EIF4G3: variants seen among roughly 807,000 people sequenced by gnomAD.
EIF4G3 encodes eIF-4-gamma 3.
Under a neutral mutation model 186.4 loss-of-function variants are expected in EIF4G3, and 34 were observed. The observed-to-expected ratio is 0.18, with a 90% CI of 0.14 to 0.24. The LOEUF (loss-of-function observed/expected upper bound fraction) is 0.24. EIF4G3 is among the 10% of genes least tolerant of loss of function. The pLI, the probability that EIF4G3 is intolerant of heterozygous loss-of-function variation, is 1.00. For synonymous variants in EIF4G3, 673 were observed against 679.5 expected (o/e 0.99, Z 0.15); for missense variants, 1,536 against 1,948.5 (o/e 0.79, Z 3.99).
intron 14 of EIF4G3, among the ~76,000 whole-genome samples, chr1:20,937,450 G>A (rs2095553251): frequency 1.3e-5 from 2 of 152,070 alleles, no homozygotes; most frequent in African/African-American, 4.8e-5. Flanking sequence ...ATCTGCTTTA[G>A]AATAACTTGC....
At chr1:20,964,141 G>A (rs938986455) in intron 12 of EIF4G3, among the ~76,000 whole-genome samples, 13 of 152,074 alleles carry the variant, frequency 8.5e-5, no homozygotes, top group South Asian at 2.1e-4. Flanking sequence ...GATACTGAGC[G>A]AGTAACAAAA....
In EIF4G3 at chr1:21,176,887, G is replaced by T; in HGVS notation, c.-621C>A. On this transcript the variant is annotated 5_prime_UTR_variant, in exon 1 of 37. Coordinates refer to ENST00000602326, the MANE Select transcript of EIF4G3 (RefSeq NM_001391906.1). The stretch of plus-strand genomic sequence containing the variant: ...CGCTGTGGCCGCCTCCAGCAGTCCG[G>T]CAGGACGGCTGCTCGGAAAACTTCG... 1.4e-6 allele frequency: 1 copy of T among 692,234 alleles called. No homozygotes were observed. The highest frequency in any genetic ancestry group is 2.6e-6 in the Non-Finnish European group (1 of 379,304). The allele number at this position is 692,234 out of a possible 1,614,324, so 42.9% of individuals were successfully genotyped here.
chr1:21,058,065 C>G (rs894097724), intron 3 of EIF4G3, among the ~76,000 whole-genome samples: 3 of 152,130 alleles, frequency 2.0e-5, no homozygotes, highest in African/African-American at 7.2e-5. Flanking sequence ...TGATTATATT[C>G]TGGCCAATTA....
At chr1:21,047,245 G>A (rs1191530168) in intron 4 of EIF4G3, among the ~76,000 whole-genome samples, 1 of 152,074 alleles carries the variant, frequency 6.6e-6, no homozygotes, top group Non-Finnish European at 1.5e-5. Flanking sequence ...CTAAGAAAAT[G>A]TCTTTCCAAA....
At chr1:20,883,862 T>G (rs2083228130) in intron 19 of EIF4G3, among the ~76,000 whole-genome samples, 3 of 152,014 alleles carry the variant, frequency 2.0e-5, no homozygotes, top group African/African-American at 7.2e-5. Context: ...GTTAAAAAGC[T>G]CGAATGGAAA....
intron 3 of EIF4G3, among the ~76,000 whole-genome samples, chr1:21,053,418 G>A (rs1368645491): frequency 1.3e-5 from 2 of 151,524 alleles, no homozygotes; most frequent in Non-Finnish European, 3.0e-5. Context: ...AAGGGAGGTG[G>A]GGGGGTTAGC....
chr1:20,979,452 C>A (rs575347532), intron 10 of EIF4G3, among the ~76,000 whole-genome samples: 85 of 152,130 alleles, frequency 5.6e-4, no homozygotes, highest in African/African-American at 1.9e-3. Context: ...GTGAACAAAA[C>A]AAAAATCTCT....
At chr1:21,139,181 T>C (rs1252278902) in intron 2 of EIF4G3, among the ~76,000 whole-genome samples, 2 of 152,228 alleles carry the variant, frequency 1.3e-5, no homozygotes, top group African/African-American at 4.8e-5. Context: ...GGAAAAAACA[T>C]CTTCCTCTAC....
intron 14 of EIF4G3, among the ~76,000 whole-genome samples, chr1:20,933,663 G>A (rs939915631): frequency 6.6e-6 from 1 of 151,666 alleles, no homozygotes; most frequent in East Asian, 1.9e-4. Context: ...CTTGTGGGGG[G>A]AAAAACAAAA....
Position 20,825,124 on chromosome 1 carries a change from A to G in EIF4G3, c.4344T>C (p.Asp1448=), listed in dbSNP as rs745446732. 5 of 1,612,796 alleles carry G rather than the reference A, an allele frequency of 3.1e-6. No individual in the cohort carries two copies. In the East Asian group the frequency reaches 8.9e-5, roughly 29 times the overall value. Residue 1448 remains aspartate, a synonymous_variant, in exon 33 of 37, where the codon GAT becomes GAC. Transcript: ENST00000602326. ...CCTGCTCCAAAAGAAAATTATGTAC[A>G]TCTTCTCCTTCTGGTAAAAAGTCCT... is the stretch of plus-strand genomic sequence containing the variant. ...SWKDFLPEGE[D]VHNFLLEQKL...
chr1:21,113,860 CAAA>C (rs1226741210), intron 2 of EIF4G3, among the ~76,000 whole-genome samples: 1 of 152,044 alleles, frequency 6.6e-6, no homozygotes, highest in African/African-American at 2.4e-5. Flanking sequence ...TCAAAAAATA[CAAA>C]AAATTAGCTG....
chr1:21,150,419 G>C (rs999130460), intron 2 of EIF4G3, among the ~76,000 whole-genome samples: 1 of 152,094 alleles, frequency 6.6e-6, no homozygotes, highest in African/African-American at 2.4e-5. Context: ...TGAAAAATTT[G>C]AGGGAACCTA....
At chr1:21,091,849 T>C (rs534709242) in intron 2 of EIF4G3, among the ~76,000 whole-genome samples, 1 of 152,358 alleles carries the variant, frequency 6.6e-6, no homozygotes, top group East Asian at 1.9e-4. Context: ...TTTTGTATCC[T>C]GAGACTTTGC....
chr1:20,980,760 G>A (rs2077769770), intron 9 of EIF4G3, among the ~76,000 whole-genome samples: 1 of 152,178 alleles, frequency 6.6e-6, no homozygotes. Context: ...TTCAGGAACA[G>A]CATAATCACT....
At chr1:21,111,232 G>A (rs2096720246) in intron 2 of EIF4G3, 1 of 458,706 alleles carries the variant, frequency 2.2e-6, no homozygotes, top group African/African-American at 2.0e-5. Flanking sequence ...ACATTCCTGA[G>A]TACTAACAAG....
chr1:21,010,472 G>GA (rs1451481776), intron 4 of EIF4G3, among the ~76,000 whole-genome samples: 4 of 147,492 alleles, frequency 2.7e-5, no homozygotes, highest in Non-Finnish European at 6.0e-5. Flanking sequence ...AAAGAAAAAA[G>GA]AAAACATGTA....
chr1:20,810,923 G>C lies in EIF4G3; in HGVS notation c.4598-39C>G, dbSNP rs1385277868. 8 of 1,570,140 alleles carry C rather than the reference G, an allele frequency of 5.1e-6. No individual in the cohort carries two copies. Among genetic ancestry groups the C allele is most frequent in the Non-Finnish European group, 7.0e-6 (8 of 1,150,322 alleles). On this transcript the variant is annotated intron_variant, in intron 35 of 36. Coordinates refer to ENST00000602326, the MANE Select transcript of EIF4G3 (RefSeq NM_001391906.1). The surrounding 1 kb of genome is among the most constrained non-coding windows in gnomAD (Gnocchi z 4.1). ...AAGAACTAGGAATTACATTTAAGGA[G>C]TTAACATAGAATTATCTTTAATTTT... is the stretch of plus-strand genomic sequence containing the variant.
intron 3 of EIF4G3, among the ~76,000 whole-genome samples, chr1:21,074,535 T>A (rs1572119969): frequency 3.3e-5 from 5 of 152,062 alleles, no homozygotes; most frequent in South Asian, 4.1e-4. Flanking sequence ...GAGAAAAAAA[T>A]AATAATAATT....
At chr1:20,820,291 C>T (rs2062012432) in intron 33 of EIF4G3, among the ~76,000 whole-genome samples, 1 of 152,224 alleles carries the variant, frequency 6.6e-6, no homozygotes. Flanking sequence ...GGGAGCCCTG[C>T]CTCTTCTGAG....
Sources: gnomAD v4.1 joint callset for allele counts (sites outside exome capture counted in the v4.1 genomes callset) on GRCh38, gnomAD v4.1.1 for gene constraint, Gnocchi (gnomAD v3.1) non-coding constraint, MANE v1.5 for transcripts, NCBI Gene and HGNC (gene_info 2026-07-23, HGNC 2026-07-21) for gene names.